The following FILIP1L variants were observed in gnomAD, a reference collection of about 807,000 sequenced individuals.
FILIP1L encodes the protein filamin A-interacting protein 1-like.
In FILIP1L, 55 loss-of-function variants were observed where a neutral mutation model predicts 96.6. The observed-to-expected ratio is 0.57, with a 90% CI of 0.46 to 0.71. The LOEUF (loss-of-function observed/expected upper bound fraction) is 0.71. Ranked by LOEUF, FILIP1L falls within the 30% of genes least tolerant of loss-of-function variation. FILIP1L has a pLI of 0.00. For missense variants in FILIP1L, 1,304 were observed against 1,321.2 expected (o/e 0.99, Z 0.20); for synonymous variants, 467 against 473.9 (o/e 0.99, Z 0.19).
intron 4 of FILIP1L, among the ~76,000 whole-genome samples, chr3:99,907,545 C>T (rs1559683795): frequency 1.3e-5 from 2 of 152,198 alleles, no homozygotes; most frequent in Non-Finnish European, 1.5e-5. Flanking sequence ...ACGCACCTGG[C>T]GTACCCCTTT....
chr3:99,945,197 A>T (rs192053840), intron 1 of FILIP1L, among the ~76,000 whole-genome samples: 84 of 152,310 alleles, frequency 5.5e-4, no homozygotes, highest in African/African-American at 2.0e-3. Context: ...TCAGACTGAT[A>T]AAAGGTTTCT....
chr3:100,111,908 A>G (rs1187264541), intron 1 of FILIP1L, among the ~76,000 whole-genome samples: 1 of 152,226 alleles, frequency 6.6e-6, no homozygotes, highest in Non-Finnish European at 1.5e-5. Flanking sequence ...GTTGAACAAC[A>G]TGCACAATAC....
chr3:100,044,375 T>TA (rs1387130481), intron 1 of FILIP1L, among the ~76,000 whole-genome samples: 3 of 151,930 alleles, frequency 2.0e-5, no homozygotes, highest in Admixed American at 1.3e-4. Flanking sequence ...AACACAGGGG[T>TA]AATCTGTCAA....
intron 5 of FILIP1L, among the ~76,000 whole-genome samples, chr3:99,842,341 G>A (rs1218616854): frequency 6.6e-6 from 1 of 152,134 alleles, no homozygotes; most frequent in Non-Finnish European, 1.5e-5. Flanking sequence ...GGGAAAGAGT[G>A]GGAGGGGTGT....
intron 5 of FILIP1L, among the ~76,000 whole-genome samples, chr3:99,832,788 C>T (rs1942729534): frequency 7.0e-6 from 1 of 142,466 alleles, no homozygotes; most frequent in African/African-American, 2.6e-5. Context: ...TGCAGTGAGC[C>T]GAGATCATAG....
At chr3:100,026,380 G>A (rs527344660) in intron 1 of FILIP1L, among the ~76,000 whole-genome samples, 202 of 152,076 alleles carry the variant, frequency 1.3e-3, no homozygotes, top group Non-Finnish European at 2.5e-3. Flanking sequence ...CAGAAGGCCA[G>A]ACATAAAACA....
chr3:100,006,867 C>T (rs1710003297), intron 1 of FILIP1L, among the ~76,000 whole-genome samples: 1 of 152,192 alleles, frequency 6.6e-6, no homozygotes, highest in African/African-American at 2.4e-5. Flanking sequence ...ATTACTAAAC[C>T]ACTGCAAGCT....
chr3:100,072,411 T>C (rs1262533606), intron 1 of FILIP1L, among the ~76,000 whole-genome samples: 1 of 152,248 alleles, frequency 6.6e-6, no homozygotes, highest in Non-Finnish European at 1.5e-5. Flanking sequence ...GTAACAGAGT[T>C]GTCTCTGGCT....
chr3:99,892,704 T>G (rs1576552522), intron 4 of FILIP1L, among the ~76,000 whole-genome samples: 2 of 151,888 alleles, frequency 1.3e-5, no homozygotes, highest in East Asian at 3.9e-4. Context: ...CCCATAACTC[T>G]CCCCCAATTC....
intron 1 of FILIP1L, among the ~76,000 whole-genome samples, chr3:100,066,268 T>C (rs994947441): frequency 3.9e-5 from 6 of 152,222 alleles, no homozygotes. Flanking sequence ...TTTTATTATT[T>C]TAATGAGAGT....
At chr3:99,921,997 A>G (rs1707138937) in intron 4 of FILIP1L, among the ~76,000 whole-genome samples, 1 of 152,268 alleles carries the variant, frequency 6.6e-6, no homozygotes, top group Middle Eastern at 3.4e-3. Context: ...CTTCCTCCAG[A>G]AGATAGTAGA....
In FILIP1L at chr3:100,005,315, G is replaced by C. The variant is rs899282856; in HGVS notation, c.-10-74285C>G. ...CTGCTTGACTACTGTCACTCAAACA[G>C]GCTGTCTTGAAAAAGGTGAAGCTGG... On this transcript the variant is annotated intron_variant, in intron 1 of 5. Coordinates refer to ENST00000477258, the MANE Select transcript of FILIP1L (RefSeq NM_001387850.1). Among the ~76,000 whole-genome samples the C allele has an allele frequency of 2.0e-5, 3 of 152,190 alleles. No individual in the cohort carries two copies. In the South Asian group the frequency reaches 6.2e-4, roughly 31 times the overall value.
chr3:99,842,148 C>T (rs1342249338), intron 5 of FILIP1L, among the ~76,000 whole-genome samples: 11 of 152,088 alleles, frequency 7.2e-5, no homozygotes, highest in African/African-American at 2.4e-4. Context: ...GAATACTACT[C>T]GGCCATGAAA....
intron 1 of FILIP1L, among the ~76,000 whole-genome samples, chr3:99,984,279 A>G (rs1011673414): frequency 2.6e-5 from 4 of 152,174 alleles, no homozygotes; most frequent in African/African-American, 7.2e-5. Context: ...GTGTCCTGTC[A>G]AACAAAATGA....
intron 1 of FILIP1L, among the ~76,000 whole-genome samples, chr3:100,086,892 C>T (rs2066018548): frequency 6.6e-6 from 1 of 152,172 alleles, no homozygotes; most frequent in South Asian, 2.1e-4. Context: ...CCCCTAGTAA[C>T]TACTGATTTT....
chr3:99,981,926 G>A (rs1007746289), intron 1 of FILIP1L, among the ~76,000 whole-genome samples: 2 of 152,118 alleles, frequency 1.3e-5, no homozygotes, highest in African/African-American at 4.8e-5. Flanking sequence ...AGGAATTCAC[G>A]ACCAGCCTGG....
In FILIP1L at chr3:100,069,945, G is replaced by A. The variant is rs570818775; in HGVS notation, c.-11+44108C>T. The stretch of plus-strand genomic sequence containing the variant: ...AATCTGGTTTGATAGGGTAATTCAA[G>A]TCTATGGTACATTAAGATATTTTTC... On this transcript the variant is annotated intron_variant, in intron 1 of 5. Coordinates refer to ENST00000477258, the MANE Select transcript of FILIP1L (RefSeq NM_001387850.1). Among the ~76,000 whole-genome samples the A allele has an allele frequency of 3.3e-5, 5 of 152,258 alleles. No individual in the cohort carries two copies. In the Middle Eastern group the frequency reaches 0.017, roughly 518 times the overall value.
intron 1 of FILIP1L, among the ~76,000 whole-genome samples, chr3:100,022,303 T>G (rs2064840134): frequency 6.6e-6 from 1 of 152,184 alleles, no homozygotes; most frequent in Non-Finnish European, 1.5e-5. Flanking sequence ...ACCACCACCC[T>G]AAGTTGAGCC....
intron 1 of FILIP1L, among the ~76,000 whole-genome samples, chr3:100,069,938 A>G (rs1053143896): frequency 3.3e-5 from 5 of 152,264 alleles, no homozygotes; most frequent in African/African-American, 1.2e-4. Flanking sequence ...TTGATAGGGT[A>G]ATTCAAGTCT....
Sources: allele counts gnomAD v4.1 joint callset (sites outside exome capture counted in the v4.1 genomes callset), GRCh38; gene constraint gnomAD v4.1.1; transcripts MANE v1.5; gene names NCBI Gene and HGNC (gene_info 2026-07-23, HGNC 2026-07-21).